TBC1D2B: variants seen among roughly 807,000 people sequenced by gnomAD.
The protein encoded by TBC1D2B is TBC1 domain family, member 2B.
Under a neutral mutation model 100.8 loss-of-function variants are expected in TBC1D2B, and 64 were observed. The observed-to-expected ratio is 0.64, with a 90% CI of 0.52 to 0.78. The LOEUF is 0.78. Ranked by LOEUF, TBC1D2B falls within the 30% of genes least tolerant of loss-of-function variation. The pLI is 0.00. For synonymous variants in TBC1D2B, 480 were observed against 479.7 expected, an observed-to-expected ratio of 1.00 and a Z score of -0.01; for missense variants, 1,052 against 1,218.4, an observed-to-expected ratio of 0.86 and a Z score of 2.03.
At chr15:78,051,910 A>C (rs1238666223) in intron 2 of TBC1D2B, among the ~76,000 whole-genome samples, 1 of 152,166 alleles carries the variant, frequency 6.6e-6, no homozygotes, top group East Asian at 1.9e-4. Flanking sequence ...TTATAGCCTC[A>C]CATACTGCTC....
At chr15:78,016,248 G>A (rs112988954) in intron 8 of TBC1D2B, among the ~76,000 whole-genome samples, 71 of 152,222 alleles carry the variant, frequency 4.7e-4, no homozygotes, top group African/African-American at 1.7e-3. Context: ...TTTAGGAGAA[G>A]GTTCCTATTC....
At chr15:78,045,475 A>G (rs1235481650) in intron 2 of TBC1D2B, among the ~76,000 whole-genome samples, 1 of 152,268 alleles carries the variant, frequency 6.6e-6, no homozygotes, top group Non-Finnish European at 1.5e-5. Context: ...ATCAGATTAT[A>G]CAAGGGTCCC....
At chr15:78,072,508 A>C (rs2073756018) in intron 1 of TBC1D2B, among the ~76,000 whole-genome samples, 2 of 152,220 alleles carry the variant, frequency 1.3e-5, no homozygotes, top group African/African-American at 4.8e-5. Context: ...AAACAATATG[A>C]TTACCCAAGC....
intron 5 of TBC1D2B, 60 bp downstream of exon 5, chr15:78,025,199 A>T: frequency 6.9e-7 from 1 of 1,452,402 alleles, no homozygotes; most frequent in Non-Finnish European, 9.6e-7. Flanking sequence ...ATTGGGCTTT[A>T]CTCCTCCCGT....
chr15:78,055,608 A>G (rs951118176), intron 1 of TBC1D2B, among the ~76,000 whole-genome samples: 2 of 152,214 alleles, frequency 1.3e-5, no homozygotes, highest in African/African-American at 4.8e-5. Flanking sequence ...CAAGCAAAGG[A>G]TAACCTGTGG....
chr15:78,011,272 T>C (rs2141651571), intron 9 of TBC1D2B, among the ~76,000 whole-genome samples: 1 of 152,218 alleles, frequency 6.6e-6, no homozygotes, highest in South Asian at 2.1e-4. Flanking sequence ...CTTAAAATCC[T>C]TTCTTCCTGC....
At chr15:78,046,129 A>G (rs567948553) in intron 2 of TBC1D2B, among the ~76,000 whole-genome samples, 10 of 152,192 alleles carry the variant, frequency 6.6e-5, no homozygotes, top group South Asian at 2.1e-4. Context: ...ACGAGGTTTC[A>G]CCATGTTGGC....
chr15:78,072,295 G>C (rs1370460846), intron 1 of TBC1D2B, among the ~76,000 whole-genome samples: 1 of 152,212 alleles, frequency 6.6e-6, no homozygotes, highest in African/African-American at 2.4e-5. Context: ...GGGAGAGGGA[G>C]ACGGAATGCC....
chr15:78,077,250 G>C (rs1235934523), intron 1 of TBC1D2B, 43 bp downstream of exon 1: 2 of 1,403,168 alleles, frequency 1.4e-6, no homozygotes, highest in Non-Finnish European at 1.8e-6. Context: ...GGCAGGGGAC[G>C]CCGGCGGAAG....
At chr15:78,049,446 C>A (rs145966746) in intron 2 of TBC1D2B, among the ~76,000 whole-genome samples, 1 of 152,192 alleles carries the variant, frequency 6.6e-6, no homozygotes, top group Non-Finnish European at 1.5e-5. Flanking sequence ...AAGGCCCCTG[C>A]AGTTCTTGAG....
intron 1 of TBC1D2B, among the ~76,000 whole-genome samples, chr15:78,071,303 A>T (rs895291356): frequency 5.9e-5 from 9 of 152,218 alleles, no homozygotes; most frequent in African/African-American, 2.2e-4. Flanking sequence ...TCAAAAGAAT[A>T]TTTTGCGAAA....
At chr15:78,026,188 T>C (rs1474949443) in intron 4 of TBC1D2B, among the ~76,000 whole-genome samples, 1 of 152,038 alleles carries the variant, frequency 6.6e-6, no homozygotes, top group African/African-American at 2.4e-5. Context: ...TGCTATACTT[T>C]GAATGTGTCC....
At chr15:78,013,901 G>C (rs182097651) in intron 8 of TBC1D2B, among the ~76,000 whole-genome samples, 1 of 152,288 alleles carries the variant, frequency 6.6e-6, no homozygotes, top group Non-Finnish European at 1.5e-5. Flanking sequence ...GGGATATCTG[G>C]GTGGGCCCAA....
intron 2 of TBC1D2B, among the ~76,000 whole-genome samples, chr15:78,050,684 C>T (rs1450784639): frequency 6.6e-6 from 1 of 152,158 alleles, no homozygotes; most frequent in African/African-American, 2.4e-5. Flanking sequence ...GTATTTGAGG[C>T]ATGGCATGCC....
Position 78,001,730 on chromosome 15 carries a change from C to T in TBC1D2B, c.2585G>A (p.Arg862His), listed in dbSNP as rs1453598428. 1.0e-5 allele frequency: 16 copies of T among 1,606,764 alleles called. No individual in the cohort carries two copies. Among genetic ancestry groups the T allele is most frequent in the Non-Finnish European group, 1.3e-5 (15 of 1,176,578 alleles). ...GTACTTAAAAAGTGCCAGAGCAAAA[C>T]GGAAAATAACCTGTGGAATAAACAG... ...FLYEGPKVIF[R>H]FALALFKYKE... The change falls in exon 12 of 13, where the codon CGT becomes CAT. Residue 862 changes from arginine to histidine, a missense_variant. This residue lies in a region of TBC1D2B where 373 missense variants were observed against 464.9 expected (regional missense o/e 0.80). Coordinates refer to ENST00000300584, the MANE Select transcript of TBC1D2B (RefSeq NM_144572.2).
intron 4 of TBC1D2B, among the ~76,000 whole-genome samples, chr15:78,028,823 G>A (rs1237005972): frequency 3.9e-5 from 6 of 152,254 alleles, no homozygotes; most frequent in East Asian, 3.9e-4. Context: ...TCCTCAGCAC[G>A]AAGACCTGGT....
At position 78,054,879 on chromosome 15, in the gene TBC1D2B, G is replaced by A. The variant is rs148643465; in HGVS notation, c.361-692C>T. Among the ~76,000 whole-genome samples the A allele has an allele frequency of 1.1e-4, 17 of 152,136 alleles. No homozygotes were observed. The East Asian group carries it at 2.7e-3, about 24-fold the overall frequency. Reference sequence around the variant, plus strand: ...TGAAAACATATTCACACAAAGACCTGTATGTGAATGTTTATAGAGGTTTTA... The same window carrying A: ...TGAAAACATATTCACACAAAGACCTATATGTGAATGTTTATAGAGGTTTTA... On this transcript the variant is annotated intron_variant, in intron 1 of 12. Transcript: ENST00000300584.
In TBC1D2B at chr15:78,020,864, C is replaced by T. The variant is rs113800420; in HGVS notation, c.1471-2907G>A. 2.6e-5 allele frequency among the ~76,000 whole-genome samples: 4 copies of T among 152,172 alleles called. 1 individual carries two copies. Among genetic ancestry groups the T allele is most frequent in the South Asian group, 2.1e-4 (1 of 4,814 alleles). The stretch of plus-strand genomic sequence containing the variant: ...CTGGAAGAAGGAGAAGCTGTAGGCA[C>T]GGAGGTATTCATGGAACAGCAAACG... On this transcript the variant is annotated intron_variant, in intron 6 of 12. Coordinates refer to ENST00000300584, the MANE Select transcript of TBC1D2B (RefSeq NM_144572.2).
intron 4 of TBC1D2B, among the ~76,000 whole-genome samples, chr15:78,026,502 T>C (rs1416525142): frequency 6.6e-6 from 1 of 152,194 alleles, no homozygotes; most frequent in Non-Finnish European, 1.5e-5. Flanking sequence ...CCCAGAACCA[T>C]GAGCCAAATA....
Sources: gnomAD v4.1 joint callset for allele counts (sites outside exome capture counted in the v4.1 genomes callset) on GRCh38, gnomAD v4.1.1 for gene constraint, gnomAD v4.1.1 regional missense constraint, MANE v1.5 for transcripts, NCBI Gene and HGNC (gene_info 2026-07-23, HGNC 2026-07-21) for gene names.